ABCC4: variants seen among roughly 807,000 people sequenced by gnomAD.
ABCC4 encodes ATP-binding cassette sub-family C member 4.
A neutral mutation model predicts 168.5 loss-of-function variants in ABCC4; 102 were observed. The observed-to-expected ratio is 0.61, with a 90% CI of 0.52 to 0.71. ABCC4 has a LOEUF of 0.71. ABCC4 is among the 30% of genes least tolerant of loss of function. ABCC4 has a pLI of 0.00. For missense variants in ABCC4, 1,402 were observed against 1,605.8 expected (o/e 0.87, Z 2.17); for synonymous variants, 617 against 590.7 (o/e 1.04, Z -0.65).
intron 4 of ABCC4, among the ~76,000 whole-genome samples, chr13:95,216,608 C>CAAAA (rs199711816): frequency 1.2e-3 from 150 of 125,348 alleles, no homozygotes; most frequent in African/African-American, 2.6e-3. Flanking sequence ...AGGAAATTCA[C>CAAAA]AAAAAAAAAA....
chr13:95,252,722 A>G (rs74475992), intron 1 of ABCC4, among the ~76,000 whole-genome samples: 4 of 152,162 alleles, frequency 2.6e-5, no homozygotes, highest in Non-Finnish European at 5.9e-5. Flanking sequence ...AGGAAAAAAA[A>G]TCAGTAGGGT....
chr13:95,191,270 T>C (rs1371130290), intron 9 of ABCC4, among the ~76,000 whole-genome samples: 2 of 152,176 alleles, frequency 1.3e-5, no homozygotes, highest in Non-Finnish European at 2.9e-5. Context: ...ATCACAAATA[T>C]TTCTATAAAT....
chr13:95,143,473 T>C (rs1432845907), intron 19 of ABCC4, among the ~76,000 whole-genome samples: 1 of 152,226 alleles, frequency 6.6e-6, no homozygotes, highest in Non-Finnish European at 1.5e-5. Context: ...TAACAGGACT[T>C]CTAATTTGGA....
chr13:95,234,688 C>T lies in ABCC4; in HGVS notation c.453G>A (p.Leu151=), dbSNP rs779831297. 4 of 1,614,012 alleles carry T rather than the reference C, an allele frequency of 2.5e-6. No individual in the cohort carries two copies. Among genetic ancestry groups the T allele is most frequent in the Admixed American group, 1.7e-5 (1 of 59,994 alleles). The change falls in exon 4 of 31, where the codon CTG becomes CTA. Residue 151 remains leucine, a synonymous_variant. Transcript: ENST00000645237. ...LTFCTLILAI[L]HHLYFYHVQC... The stretch of plus-strand genomic sequence containing the variant: ...GAACGTGATAAAAATATAAGTGATG[C>T]AGTATAGCCAAAATGAGCGTGCAAA...
intron 29 of ABCC4, among the ~76,000 whole-genome samples, chr13:95,039,848 A>G (rs2032277954): frequency 6.6e-6 from 1 of 152,222 alleles, no homozygotes; most frequent in Non-Finnish European, 1.5e-5. Context: ...GGTGAAGGAT[A>G]AAGCCTGACC....
chr13:95,183,097 G>A (rs1249541035), intron 11 of ABCC4, among the ~76,000 whole-genome samples: 3 of 149,070 alleles, frequency 2.0e-5, no homozygotes, highest in Non-Finnish European at 4.4e-5. Context: ...TTTTTGCGGG[G>A]GAGGGTGGCC....
chr13:95,114,445 C>A (rs1419247350), intron 20 of ABCC4, among the ~76,000 whole-genome samples: 1 of 152,174 alleles, frequency 6.6e-6, no homozygotes, highest in African/African-American at 2.4e-5. Flanking sequence ...AATTAACAAT[C>A]CCTGTCAAAA....
intron 19 of ABCC4, among the ~76,000 whole-genome samples, chr13:95,135,044 A>G (rs1375888612): frequency 6.6e-6 from 1 of 152,220 alleles, no homozygotes; most frequent in East Asian, 1.9e-4. Flanking sequence ...ATAAGGCAGT[A>G]AGGAAAATAA....
At chr13:95,166,917 T>C (rs2037293184) in intron 14 of ABCC4, among the ~76,000 whole-genome samples, 1 of 152,146 alleles carries the variant, frequency 6.6e-6, no homozygotes, top group African/African-American at 2.4e-5. Context: ...CCAGGTGCAG[T>C]GGCTCACACC....
chr13:95,200,364 A>G (rs1400491625), intron 8 of ABCC4, among the ~76,000 whole-genome samples: 15 of 152,180 alleles, frequency 9.9e-5, no homozygotes. Flanking sequence ...GCGTTTTTTT[A>G]TCACACAACT....
chr13:95,054,291 C>T (rs570904038), intron 26 of ABCC4, among the ~76,000 whole-genome samples: 131 of 152,174 alleles, frequency 8.6e-4, no homozygotes, highest in Admixed American at 1.4e-3. Flanking sequence ...TCATCTGCTT[C>T]AGGAGGATCC....
chr13:95,281,065 T>C (rs1446791644), intron 1 of ABCC4, among the ~76,000 whole-genome samples: 1 of 151,738 alleles, frequency 6.6e-6, no homozygotes, highest in Non-Finnish European at 1.5e-5. Context: ...AAAAGCCAGA[T>C]AGTTCAGGTA....
At chr13:95,052,784 T>C (rs554952028) in intron 27 of ABCC4, among the ~76,000 whole-genome samples, 6 of 152,354 alleles carry the variant, frequency 3.9e-5, no homozygotes, top group African/African-American at 7.2e-5. Flanking sequence ...CAGAGTAACT[T>C]AGTCACTAAT....
chr13:95,214,787 C>T (rs1273640187), intron 4 of ABCC4, among the ~76,000 whole-genome samples: 1 of 148,406 alleles, frequency 6.7e-6, no homozygotes, highest in Non-Finnish European at 1.5e-5. Flanking sequence ...TCCGGAGGCT[C>T]AGGCAGGAAA....
At chr13:95,275,886 G>A (rs1388736468) in intron 1 of ABCC4, among the ~76,000 whole-genome samples, 1 of 152,002 alleles carries the variant, frequency 6.6e-6, no homozygotes, top group African/African-American at 2.4e-5. Context: ...TTTTCTAATT[G>A]TGCAATACTC....
chr13:95,045,248 T>TATA (rs1415224016), intron 27 of ABCC4, among the ~76,000 whole-genome samples: 1 of 152,056 alleles, frequency 6.6e-6, no homozygotes, highest in Non-Finnish European at 1.5e-5. Flanking sequence ...GACGAGTGAG[T>TATA]ATAACTCAAG....
intron 22 of ABCC4, 51 bp from the exon 23 acceptor site, chr13:95,074,375 A>T (rs751113877): frequency 4.8e-6 from 7 of 1,454,228 alleles, no homozygotes; most frequent in Non-Finnish European, 6.7e-6. Context: ...TGAATGTGCG[A>T]GTGTGTTTTG....
intron 30 of ABCC4, among the ~76,000 whole-genome samples, chr13:95,025,107 T>G (rs1013448580): frequency 6.6e-6 from 1 of 151,318 alleles, no homozygotes; most frequent in African/African-American, 2.4e-5. Flanking sequence ...CAGATTGCAA[T>G]TGCCCAATTC....
intron 19 of ABCC4, among the ~76,000 whole-genome samples, chr13:95,144,683 C>T (rs1004121424): frequency 6.6e-6 from 1 of 151,894 alleles, no homozygotes; most frequent in Non-Finnish European, 1.5e-5. Context: ...TAACCAAAGA[C>T]GTAAAAGATC....
Sources: allele counts gnomAD v4.1 joint callset (sites outside exome capture counted in the v4.1 genomes callset), GRCh38; gene constraint gnomAD v4.1.1; transcripts MANE v1.5; gene names NCBI Gene and HGNC (gene_info 2026-07-23, HGNC 2026-07-21).